The following ZFPM2 variants were observed in gnomAD, a reference collection of about 807,000 sequenced individuals.
ZFPM2 encodes the protein zinc finger protein, FOG family member 2.
ZFPM2 carries 20 observed loss-of-function variants against 98.6 expected under a neutral mutation model. The observed-to-expected ratio is 0.20, with a 90% CI of 0.14 to 0.29. ZFPM2 has a LOEUF of 0.29. Among genes scored for constraint, ZFPM2 ranks in the 10% least tolerant of loss-of-function variants. ZFPM2 has a pLI of 1.00. For missense variants in ZFPM2, 1,310 were observed against 1,388.6 expected (o/e 0.94, Z 0.90); for synonymous variants, 518 against 502.7 (o/e 1.03, Z -0.41).
At chr8:105,774,090 C>T (rs1047921087) in intron 5 of ZFPM2, among the ~76,000 whole-genome samples, 1 of 152,088 alleles carries the variant, frequency 6.6e-6, no homozygotes, top group Non-Finnish European at 1.5e-5. Flanking sequence ...AACATAGTCA[C>T]GTGTGATTTT....
At chr8:105,562,302 T>A (rs1474784177) in intron 4 of ZFPM2, among the ~76,000 whole-genome samples, 1 of 151,038 alleles carries the variant, frequency 6.6e-6, no homozygotes, top group Admixed American at 6.6e-5. Flanking sequence ...AGAGCAAGAC[T>A]CCATCTCAAA....
At chr8:105,744,309 G>A (rs1325254914) in intron 5 of ZFPM2, among the ~76,000 whole-genome samples, 1 of 152,026 alleles carries the variant, frequency 6.6e-6, no homozygotes, top group Non-Finnish European at 1.5e-5. Flanking sequence ...TAGTTAAGCA[G>A]CACTCCTTCC....
intron 5 of ZFPM2, among the ~76,000 whole-genome samples, chr8:105,757,543 C>G (rs530451218): frequency 6.6e-6 from 1 of 152,268 alleles, no homozygotes; most frequent in African/African-American, 2.4e-5. Flanking sequence ...TTGGAATATA[C>G]TTTATGACTC....
At chr8:105,518,628 C>A (rs78477426) in intron 3 of ZFPM2, among the ~76,000 whole-genome samples, 1 of 152,034 alleles carries the variant, frequency 6.6e-6, no homozygotes, top group Non-Finnish European at 1.5e-5. Flanking sequence ...AGGAGTTGGC[C>A]TGAAAGGAGG....
intron 5 of ZFPM2, among the ~76,000 whole-genome samples, chr8:105,739,180 C>T (rs1586231079): frequency 6.6e-6 from 1 of 152,016 alleles, no homozygotes; most frequent in East Asian, 1.9e-4. Flanking sequence ...TTAAATGACT[C>T]TCTGTTCTCT....
chr8:105,363,478 G>A (rs1028225823), intron 1 of ZFPM2, among the ~76,000 whole-genome samples: 16 of 151,990 alleles, frequency 1.1e-4, no homozygotes, highest in African/African-American at 3.6e-4. Flanking sequence ...TGTATTATGT[G>A]CCCACCATGT....
In ZFPM2 at chr8:105,559,165, T is replaced by C. The variant is rs73697386; in HGVS notation, c.302-2198T>C. On this transcript the variant is annotated intron_variant, in intron 3 of 7. Transcript: ENST00000407775. The stretch of plus-strand genomic sequence containing the variant: ...AAAGATTGCACAAAGATGAAAAACA[T>C]TTTCAGAGGAAAATCTCATAAATGG... 3.2e-3 allele frequency among the ~76,000 whole-genome samples: 480 copies of C among 152,222 alleles called. 3 individuals carry two copies. Among genetic ancestry groups the C allele is most frequent in the African/African-American group, 5.2e-3 (215 of 41,558 alleles).
chr8:105,541,605 T>C (rs769612365), intron 3 of ZFPM2, among the ~76,000 whole-genome samples: 19 of 152,198 alleles, frequency 1.2e-4, no homozygotes, highest in Non-Finnish European at 8.8e-5. Context: ...TTAATTCACT[T>C]GTAGGTGTAC....
intron 5 of ZFPM2, among the ~76,000 whole-genome samples, chr8:105,712,732 A>G (rs1166048431): frequency 1.3e-5 from 2 of 152,052 alleles, no homozygotes; most frequent in Non-Finnish European, 2.9e-5. Flanking sequence ...TGGAGTCCCC[A>G]GTGTCTTTGG....
At chr8:105,746,580 T>C (rs1194791462) in intron 5 of ZFPM2, among the ~76,000 whole-genome samples, 1 of 151,996 alleles carries the variant, frequency 6.6e-6, no homozygotes, top group Non-Finnish European at 1.5e-5. Flanking sequence ...TGTATTTTCT[T>C]AGCAGATATG....
chr8:105,730,413 A>T (rs1811902312), intron 5 of ZFPM2, among the ~76,000 whole-genome samples: 1 of 151,718 alleles, frequency 6.6e-6, no homozygotes, highest in Non-Finnish European at 1.5e-5. Context: ...TTTGTCCACC[A>T]AGTGCTATTT....
chr8:105,393,381 T>TCTTTCTTTCTTTCTTTCTTTG (rs1554600714), intron 1 of ZFPM2, among the ~76,000 whole-genome samples: 1 of 130,678 alleles, frequency 7.7e-6, no homozygotes, highest in Admixed American at 7.9e-5. Context: ...TTTCTTTCTT[T>TCTTTCTTTCTTTCTTTCTTTG]CTTTCTTTCT....
chr8:105,533,691 TTCCCTCCC>T (rs1223907803), intron 3 of ZFPM2, among the ~76,000 whole-genome samples: 1 of 115,184 alleles, frequency 8.7e-6, no homozygotes, highest in Non-Finnish European at 1.7e-5. Context: ...CCCTCCGTCC[TTCCCTCCC>T]TCCCTCCCTC....
Position 105,318,782 on chromosome 8 carries a change from C to T in ZFPM2, c.-160C>T, listed in dbSNP as rs1811956477. 5.4e-6 allele frequency: 1 copy of T among 186,262 alleles called. No individual in the cohort carries two copies. Among genetic ancestry groups the T allele is most frequent in the Non-Finnish European group, 1.0e-5 (1 of 99,828 alleles). 11.5% of individuals were successfully genotyped at this position (186,262 alleles called of 1,614,324 possible). A position where few individuals can be genotyped will look rare whatever the true frequency, so the allele number is the denominator to read the frequency against. On this transcript the variant is annotated 5_prime_UTR_variant, in exon 1 of 8. Transcript: ENST00000407775. Reference sequence around the variant, plus strand: ...CTCATCTCCGAACGTGAATCCGCGGCTCCCGGAGGAGCCCAGCGCCCGGAG... The same window carrying T: ...CTCATCTCCGAACGTGAATCCGCGGTTCCCGGAGGAGCCCAGCGCCCGGAG...
At chr8:105,573,983 G>GC (rs1228246762) in intron 4 of ZFPM2, among the ~76,000 whole-genome samples, 1 of 152,094 alleles carries the variant, frequency 6.6e-6, no homozygotes, top group East Asian at 1.9e-4. Context: ...AAAATTATAC[G>GC]CATTTAGTCA....
At chr8:105,332,757 T>G (rs1180747211) in intron 1 of ZFPM2, among the ~76,000 whole-genome samples, 13 of 151,634 alleles carry the variant, frequency 8.6e-5, no homozygotes, top group Non-Finnish European at 1.8e-4. Context: ...AGCTGGGTAT[T>G]GAAGGAGGAG....
At chr8:105,699,583 G>A (rs1811095568) in intron 5 of ZFPM2, among the ~76,000 whole-genome samples, 1 of 151,962 alleles carries the variant, frequency 6.6e-6, no homozygotes. Flanking sequence ...TATAAAGATT[G>A]GGTATTTTTC....
chr8:105,664,485 C>T (rs1817453812), intron 5 of ZFPM2, among the ~76,000 whole-genome samples: 1 of 152,034 alleles, frequency 6.6e-6, no homozygotes, highest in Non-Finnish European at 1.5e-5. Flanking sequence ...CAGGCATGCG[C>T]CACCATTCCT....
Position 105,788,835 on chromosome 8 carries a change from G to C in ZFPM2, c.650G>C (p.Gly217Ala), listed in dbSNP as rs763121215. Residue 217 changes from glycine to alanine, a missense_variant, in exon 6 of 8, where the codon GGG becomes GCG. Coordinates refer to ENST00000407775, the MANE Select transcript of ZFPM2 (RefSeq NM_012082.4). Reference sequence around the variant, plus strand: ...GCCAGTCAGATGACTCTCACAGAAGGGATGTACCCTGCACGCCTGCTGGAC... The same window carrying C: ...GCCAGTCAGATGACTCTCACAGAAGCGATGTACCCTGCACGCCTGCTGGAC... Reference protein sequence around the residue: ...QAASQMTLTEGMYPARLLDSI... With the variant: ...QAASQMTLTEAMYPARLLDSI... 1 of 1,613,930 alleles carries C rather than the reference G, an allele frequency of 6.2e-7. No individual in the cohort carries two copies. Among genetic ancestry groups the C allele is most frequent in the Non-Finnish European group, 8.5e-7 (1 of 1,179,862 alleles).
Sources: allele counts gnomAD v4.1 joint callset (sites outside exome capture counted in the v4.1 genomes callset), GRCh38; gene constraint gnomAD v4.1.1; transcripts MANE v1.5; gene names NCBI Gene and HGNC (gene_info 2026-07-23, HGNC 2026-07-21).